Variants in LDAF1 observed in about 807,000 individuals in gnomAD.
LDAF1 encodes PROMETHIN.
A neutral mutation model predicts 13.5 loss-of-function variants in LDAF1; 7 were observed. The ratio of observed to expected loss-of-function variants is 0.52; its 90% CI spans 0.29 to 0.97. The LOEUF is 0.97. LDAF1 is among the 50% of genes least tolerant of loss of function. The pLI is 0.07. For missense variants in LDAF1, 148 were observed against 193.2 expected (o/e 0.77, Z 1.39); for synonymous variants, 69 against 77.1 (o/e 0.89, Z 0.55).
At chr16:21,167,582 G>A (rs1231913161) in intron 2 of LDAF1, among the ~76,000 whole-genome samples, 3 of 151,870 alleles carry the variant, frequency 2.0e-5, no homozygotes, top group African/African-American at 7.3e-5. Flanking sequence ...ACTTGCATTA[G>A]TCACAGGCTG....
At chr16:21,159,146 C>G (rs2092930977) in intron 1 of LDAF1, among the ~76,000 whole-genome samples, 2 of 152,086 alleles carry the variant, frequency 1.3e-5, no homozygotes, top group African/African-American at 4.8e-5. Context: ...AAAACGGGCG[C>G]CTTCCTCACC....
At chr16:21,172,966 T>C in intron 3 of LDAF1, 2 of 297,546 alleles carry the variant, frequency 6.7e-6, no homozygotes, top group Non-Finnish European at 9.9e-6. Context: ...ATACTTGCCA[T>C]GTTACTTGTT....
In LDAF1 at chr16:21,170,553, C is replaced by T. The variant is rs753952631; in HGVS notation, c.213C>T (p.Leu71=). ...MSAVPVGFFL[L]IVVLTTLAAL... Reference sequence around the variant, plus strand: ...CCGTTCCTGTTGGATTCTTCCTGCTCATCGTGGTGCTTACCACCCTGGCTG... The same window carrying T: ...CCGTTCCTGTTGGATTCTTCCTGCTTATCGTGGTGCTTACCACCCTGGCTG... The change falls in exon 3 of 5, where the codon CTC becomes CTT. Residue 71 remains leucine, a synonymous_variant. Coordinates refer to ENST00000233047, the MANE Select transcript of LDAF1 (RefSeq NM_001301771.2). 2 of 1,614,172 alleles carry T rather than the reference C, an allele frequency of 1.2e-6. No homozygotes were observed. Among genetic ancestry groups the T allele is most frequent in the South Asian group, 2.2e-5 (2 of 91,086 alleles).
intron 2 of LDAF1, among the ~76,000 whole-genome samples, chr16:21,167,487 G>A (rs2093035090): frequency 6.6e-6 from 1 of 152,210 alleles, no homozygotes; most frequent in Non-Finnish European, 1.5e-5. Flanking sequence ...GGCCAGCTCT[G>A]CGTTAAAGCA....
chr16:21,163,204 A>G (rs1414028454), intron 2 of LDAF1, among the ~76,000 whole-genome samples: 1 of 152,202 alleles, frequency 6.6e-6, no homozygotes, highest in African/African-American at 2.4e-5. Flanking sequence ...AAACTAAAGC[A>G]TAAACGTGGC....
chr16:21,178,305 A>AT, intron 4 of LDAF1: 1 of 985,134 alleles, frequency 1.0e-6, no homozygotes, highest in Non-Finnish European at 1.2e-6. Context: ...CAAACTCACT[A>AT]CCCCATATCA....
At position 21,179,601 on chromosome 16, in the gene LDAF1, A is replaced by G. The variant is rs2152852321; in HGVS notation, c.*45A>G. ...GCTTCTTTTCAAGTACTGCTGGATCATACTCACCCCTTGGGATTATGGCTT... is the reference window on the plus strand; with the variant it reads ...GCTTCTTTTCAAGTACTGCTGGATCGTACTCACCCCTTGGGATTATGGCTT... On this transcript the variant is annotated 3_prime_UTR_variant, in exon 5 of 5. Transcript: ENST00000233047. 3 of 1,551,376 alleles carry G rather than the reference A, an allele frequency of 1.9e-6. No homozygotes were observed. Among genetic ancestry groups the G allele is most frequent in the East Asian group, 2.2e-5 (1 of 44,464 alleles).
rs1567908108 is a variant in LDAF1, at chr16:21,170,476, G to A, written c.136G>A (p.Asp46Asn). The change falls in exon 3 of 5, where the codon GAC becomes AAC. Residue 46 changes from aspartate (D) to asparagine (N), a missense_variant. Coordinates refer to ENST00000233047, the MANE Select transcript of LDAF1 (RefSeq NM_001301771.2). ...FMKSPVGQYL[D>N]SHPFLAFTLL... ...GAAGTCTCCAGTGGGTCAGTACTTGGACAGCCATCCGTTTCTGGCCTTCAC... is the reference window on the plus strand; with the variant it reads ...GAAGTCTCCAGTGGGTCAGTACTTGAACAGCCATCCGTTTCTGGCCTTCAC... 1 of 1,614,090 alleles carries A rather than the reference G, an allele frequency of 6.2e-7. No individual in the cohort carries two copies. Among genetic ancestry groups the A allele is most frequent in the Admixed American group, 1.7e-5 (1 of 60,000 alleles).
chr16:21,174,191 T>C, intron 4 of LDAF1, 43 bp downstream of exon 4: 1 of 1,566,942 alleles, frequency 6.4e-7, no homozygotes, highest in South Asian at 1.2e-5. Context: ...TTAATCTTTC[T>C]ACTTTTTTGT....
At chr16:21,171,655 G>A (rs552868933) in intron 3 of LDAF1, among the ~76,000 whole-genome samples, 10 of 152,252 alleles carry the variant, frequency 6.6e-5, no homozygotes, top group African/African-American at 2.2e-4. Context: ...TTTGCCTCAG[G>A]GTGGGCAAGG....
intron 1 of LDAF1, chr16:21,159,236 C>T: frequency 8.5e-7 from 1 of 1,176,466 alleles, no homozygotes; most frequent in Non-Finnish European, 1.3e-6. Context: ...GGCTTCTTTA[C>T]CCCCAAATTA....
intron 4 of LDAF1, among the ~76,000 whole-genome samples, chr16:21,175,228 T>TA (rs2093128260): frequency 6.6e-6 from 1 of 152,242 alleles, no homozygotes; most frequent in Admixed American, 6.5e-5. Context: ...ATGATAGTGC[T>TA]ACTGAGCACT....
At chr16:21,166,948 G>C (rs1482209722) in intron 2 of LDAF1, 1 of 1,520,438 alleles carries the variant, frequency 6.6e-7, no homozygotes. Context: ...CTAGAGAAGC[G>C]GAATAGCAAG....
intron 2 of LDAF1, chr16:21,166,982 T>G: frequency 7.0e-7 from 1 of 1,430,450 alleles, no homozygotes; most frequent in Non-Finnish European, 9.5e-7. Context: ...TTTGTCAGAA[T>G]GGTGGGGTAG....
rs1288705272 is a variant in LDAF1 at position 21,180,137 on chromosome 16, GAGTACTGTTA to G, written c.*593_*602del. The G allele has an allele frequency of 6.5e-6, 1 of 154,102 alleles. No homozygotes were observed. Among genetic ancestry groups the G allele is most frequent in the Non-Finnish European group, 1.4e-5 (1 of 69,542 alleles). 9.5% of individuals were successfully genotyped at this position (154,102 alleles called of 1,614,324 possible). ...AGGTGTAGTTTCCACTGTAACTGTT[GAGTACTGTTA>G]AGTACTGTTAATCTTTTACATATTT... On this transcript the variant is annotated 3_prime_UTR_variant, in exon 5 of 5. Transcript: ENST00000233047.
At chr16:21,165,410 C>A (rs1054406408) in intron 2 of LDAF1, 1 of 189,434 alleles carries the variant, frequency 5.3e-6, no homozygotes, top group African/African-American at 2.4e-5. Context: ...GATTCCATCT[C>A]AAAAAAACAA....
chr16:21,159,285 T>G (rs2092934219), intron 1 of LDAF1: 2 of 1,545,760 alleles, frequency 1.3e-6, no homozygotes, highest in Non-Finnish European at 8.9e-7. Context: ...TTCCCATTAT[T>G]CAGTCTCTGT....
At chr16:21,178,350 C>T (rs2093157387) in intron 4 of LDAF1, 2 of 985,208 alleles carry the variant, frequency 2.0e-6, no homozygotes, top group African/African-American at 3.5e-5. Context: ...TAACTAGCTT[C>T]CTTACATCTT....
At chr16:21,168,877 AT>A (rs1415890064) in intron 2 of LDAF1, among the ~76,000 whole-genome samples, 2 of 134,110 alleles carry the variant, frequency 1.5e-5, no homozygotes, top group Non-Finnish European at 3.1e-5. Flanking sequence ...TATAATTATA[AT>A]TTATATTATA....
Sources: gnomAD v4.1 joint callset for allele counts (sites outside exome capture counted in the v4.1 genomes callset) on GRCh38, gnomAD v4.1.1 for gene constraint, MANE v1.5 for transcripts, NCBI Gene and HGNC (gene_info 2026-07-23, HGNC 2026-07-21) for gene names.